The following AUTS2 variants were observed in gnomAD, a reference collection of about 807,000 sequenced individuals.
AUTS2 encodes activator of transcription and developmental regulator AUTS2.
A neutral mutation model predicts 112.4 loss-of-function variants in AUTS2; 17 were observed. The observed-to-expected ratio is 0.15, with a 90% CI of 0.10 to 0.23. AUTS2 has a LOEUF of 0.23. Ranked by LOEUF, AUTS2 falls within the 10% of genes least tolerant of loss-of-function variation. The pLI is 1.00. For missense variants in AUTS2, 1,510 were observed against 1,701.6 expected (o/e 0.89, Z 1.98); for synonymous variants, 751 against 702.7 (o/e 1.07, Z -1.09).
At chr7:70,733,546 C>T (rs1436770654) in intron 6 of AUTS2, among the ~76,000 whole-genome samples, 2 of 144,204 alleles carry the variant, frequency 1.4e-5, no homozygotes, top group Non-Finnish European at 1.5e-5. Flanking sequence ...ACCCCCCTAC[C>T]CCCACATCTA....
chr7:70,687,214 A>G (rs1303336126), intron 5 of AUTS2, among the ~76,000 whole-genome samples: 1 of 152,150 alleles, frequency 6.6e-6, no homozygotes, highest in East Asian at 1.9e-4. Context: ...ACCCATCAAT[A>G]TGACATGATG....
chr7:70,346,193 A>G (rs1791489262), intron 4 of AUTS2, among the ~76,000 whole-genome samples: 1 of 152,168 alleles, frequency 6.6e-6, no homozygotes. Context: ...GTGTTTTTTG[A>G]CATATGACAC....
chr7:70,686,799 C>G (rs1808494426), intron 5 of AUTS2, among the ~76,000 whole-genome samples: 1 of 152,206 alleles, frequency 6.6e-6, no homozygotes, highest in African/African-American at 2.4e-5. Context: ...TCCCAAAGTG[C>G]TAGGACCACG....
intron 2 of AUTS2, among the ~76,000 whole-genome samples, chr7:70,090,300 T>C (rs1264930468): frequency 6.6e-6 from 1 of 152,044 alleles, no homozygotes; most frequent in African/African-American, 2.4e-5. Flanking sequence ...TGTTCTAAAG[T>C]CTATACTATA....
At chr7:70,677,496 ACACT>A (rs1455665826) in intron 5 of AUTS2, among the ~76,000 whole-genome samples, 1 of 152,112 alleles carries the variant, frequency 6.6e-6, no homozygotes, top group Non-Finnish European at 1.5e-5. Flanking sequence ...TCACTGCCAC[ACACT>A]CGTGCGTTCC....
intron 1 of AUTS2, among the ~76,000 whole-genome samples, chr7:69,857,416 G>T (rs1792779047): frequency 6.6e-6 from 1 of 152,148 alleles, no homozygotes; most frequent in Admixed American, 6.5e-5. Context: ...TCCCTCAAAG[G>T]TCTGGCATTC....
intron 5 of AUTS2, among the ~76,000 whole-genome samples, chr7:70,557,121 A>G (rs1216512719): frequency 6.6e-6 from 1 of 152,176 alleles, no homozygotes; most frequent in Non-Finnish European, 1.5e-5. Flanking sequence ...CAGGGCGGGC[A>G]GTAAGTCTAA....
intron 5 of AUTS2, among the ~76,000 whole-genome samples, chr7:70,548,946 A>T (rs899029575): frequency 1.4e-5 from 2 of 138,854 alleles, no homozygotes; most frequent in African/African-American, 2.6e-5. Context: ...AAAAAAAAAA[A>T]GTCTGCTGAG....
chr7:69,780,687 TGGTG>T, intron 1 of AUTS2, among the ~76,000 whole-genome samples: 1 of 152,330 alleles, frequency 6.6e-6, no homozygotes, highest in Non-Finnish European at 1.5e-5. Flanking sequence ...TATTAGAGTG[TGGTG>T]GTAGATAGAA....
At chr7:70,600,910 G>A (rs1803443385) in intron 5 of AUTS2, among the ~76,000 whole-genome samples, 1 of 152,226 alleles carries the variant, frequency 6.6e-6, no homozygotes, top group African/African-American at 2.4e-5. Context: ...ACCACATTTT[G>A]TTTCTTTATT....
intron 4 of AUTS2, among the ~76,000 whole-genome samples, chr7:70,416,700 C>G (rs1429772975): frequency 2.0e-5 from 3 of 152,258 alleles, no homozygotes; most frequent in Non-Finnish European, 4.4e-5. Context: ...ATCCCAGCTG[C>G]TACCACAGCC....
At chr7:70,039,491 T>G (rs1477212637) in intron 2 of AUTS2, among the ~76,000 whole-genome samples, 1 of 152,056 alleles carries the variant, frequency 6.6e-6, no homozygotes, top group African/African-American at 2.4e-5. Context: ...GCCTCCCTAG[T>G]AGCTGGGATT....
chr7:70,458,307 G>A (rs1796826487), intron 5 of AUTS2, among the ~76,000 whole-genome samples: 1 of 152,182 alleles, frequency 6.6e-6, no homozygotes, highest in Admixed American at 6.5e-5. Flanking sequence ...GAAATGATAA[G>A]CCTCCTTGAA....
chr7:70,750,183 A>G (rs1788713655), intron 6 of AUTS2, among the ~76,000 whole-genome samples: 1 of 152,124 alleles, frequency 6.6e-6, no homozygotes, highest in Non-Finnish European at 1.5e-5. Flanking sequence ...TTCTTTGGCT[A>G]CCTGGACCCT....
chr7:70,247,754 A>G (rs949019225), intron 4 of AUTS2, among the ~76,000 whole-genome samples: 1 of 152,164 alleles, frequency 6.6e-6, no homozygotes, highest in Non-Finnish European at 1.5e-5. Flanking sequence ...ATCTTGGGTT[A>G]TCCAGTTACC....
At chr7:70,352,475 G>A (rs1791813205) in intron 4 of AUTS2, among the ~76,000 whole-genome samples, 1 of 152,078 alleles carries the variant, frequency 6.6e-6, no homozygotes, top group Non-Finnish European at 1.5e-5. Context: ...TTGAAAGGGA[G>A]CGTCAGGAGG....
intron 5 of AUTS2, among the ~76,000 whole-genome samples, chr7:70,579,461 TA>T (rs895997757): frequency 2.3e-4 from 35 of 151,830 alleles, no homozygotes; most frequent in Admixed American, 6.6e-4. Flanking sequence ...AATTTGCTAA[TA>T]AAAAAAATGG....
chr7:70,055,329 G>A (rs1368842737), intron 2 of AUTS2, among the ~76,000 whole-genome samples: 1 of 152,182 alleles, frequency 6.6e-6, no homozygotes, highest in Non-Finnish European at 1.5e-5. Flanking sequence ...AGCTACGTGG[G>A]AGGCTGAGGC....
intron 4 of AUTS2, among the ~76,000 whole-genome samples, chr7:70,371,370 C>T (rs1057203197): frequency 6.6e-6 from 1 of 152,178 alleles, no homozygotes; most frequent in Non-Finnish European, 1.5e-5. Context: ...GTATTGATTG[C>T]ATGCACTGAT....
Sources: gnomAD v4.1 joint callset for allele counts (sites outside exome capture counted in the v4.1 genomes callset) on GRCh38, gnomAD v4.1.1 for gene constraint, MANE v1.5 for transcripts, NCBI Gene and HGNC (gene_info 2026-07-23, HGNC 2026-07-21) for gene names.